The following MYH15 variants were observed in gnomAD, a reference collection of about 807,000 sequenced individuals.
The protein encoded by MYH15 is myosin heavy chain 15, also known as myosin-15.
MYH15 carries 227 observed loss-of-function variants against 240.5 expected under a neutral mutation model. The observed-to-expected ratio is 0.94, with a 90% CI of 0.85 to 1.05. The LOEUF (loss-of-function observed/expected upper bound fraction) is 1.05. Among genes scored for constraint, MYH15 ranks in the 50% least tolerant of loss-of-function variants. The pLI is 0.00. For missense variants in MYH15, 2,217 were observed against 2,247.5 expected, an observed-to-expected ratio of 0.99 and a Z score of 0.27; for synonymous variants, 785 against 796.7, an observed-to-expected ratio of 0.99 and a Z score of 0.25.
At chr3:108,420,596 T>C (rs1442619613) in intron 28 of MYH15, among the ~76,000 whole-genome samples, 1 of 151,948 alleles carries the variant, frequency 6.6e-6, no homozygotes, top group Non-Finnish European at 1.5e-5. Flanking sequence ...CCAACGCAGA[T>C]TGAGAGTTCA....
At chr3:108,521,677 T>C (rs1176094531) in intron 1 of MYH15, among the ~76,000 whole-genome samples, 1 of 152,182 alleles carries the variant, frequency 6.6e-6, no homozygotes. Context: ...GAGATGATCT[T>C]TGTTGCTTCA....
chr3:108,474,119 T>C (rs1028017081), intron 12 of MYH15, among the ~76,000 whole-genome samples: 4 of 152,184 alleles, frequency 2.6e-5, no homozygotes, highest in African/African-American at 9.7e-5. Context: ...AATGTTAACG[T>C]TGCAAAAATT....
At chr3:108,438,878 G>T (rs1227659051) in intron 24 of MYH15, among the ~76,000 whole-genome samples, 1 of 152,124 alleles carries the variant, frequency 6.6e-6, no homozygotes, top group East Asian at 1.9e-4. Context: ...GGGTGTGTGG[G>T]TGTGGGTAGG....
rs1432234171 is a variant in MYH15 at position 108,444,864 on chromosome 3, T to C, written c.2431A>G (p.Arg811Gly). ...CAGTTCTTCACAGCCATGAAAGCTC[T>C]TATGTTCCATTGGATCAAAATAAGT... ...DALILIQWNIRAFMAVKNWPW... is the reference protein window; with the variant it reads ...DALILIQWNIGAFMAVKNWPW... Residue 811 changes from arginine (R) to glycine (G), a missense_variant, in exon 22 of 41, where the codon AGA becomes GGA. Arg to Gly is a moderately radical substitution (Grantham distance 125, BLOSUM62 -2). Coordinates refer to ENST00000693548, the MANE Select transcript of MYH15 (RefSeq NM_014981.3). The C allele has an allele frequency of 6.2e-7, 1 of 1,613,558 alleles. No homozygotes were observed. Among genetic ancestry groups the C allele is most frequent in the South Asian group, 1.1e-5 (1 of 90,950 alleles).
chr3:108,498,011 G>C lies in MYH15; in HGVS notation c.618+41C>G, dbSNP rs149874167. 3,006 of 1,561,320 alleles carry C rather than the reference G, an allele frequency of 1.9e-3. 22 individuals are homozygous for C. The highest frequency in any genetic ancestry group is 0.019 in the African/African-American group (1,400 of 73,930). On this transcript the variant is annotated intron_variant, in intron 6 of 40. Transcript: ENST00000693548. ...CACAACCTCCATGATCCAGTGGATA[G>C]GGCCACCTCATCTTTTCTACCAAGC...
intron 32 of MYH15, among the ~76,000 whole-genome samples, chr3:108,407,655 C>A (rs544905647): frequency 2.0e-5 from 3 of 152,282 alleles, no homozygotes; most frequent in African/African-American, 7.2e-5. Context: ...AAATGTTTGA[C>A]AACATCACTT....
rs748138721 is a variant in MYH15, at chr3:108,437,565, T to C, written c.3210A>G (p.Glu1070=). Residue 1070 remains glutamate (E), a synonymous_variant, in exon 25 of 41, where the codon GAA becomes GAG. Coordinates refer to ENST00000693548, the MANE Select transcript of MYH15 (RefSeq NM_014981.3). Reference sequence around the variant, plus strand: ...GAAAGGTGGCTTACTTCCTCAGCTCTTCTGCCAGGTGTCGCTGGCTGCTTT... The same window carrying C: ...GAAAGGTGGCTTACTTCCTCAGCTCCTCTGCCAGGTGTCGCTGGCTGCTTT... The part of the protein sequence containing the change: ...NLESSQRHLA[E]ELRKKELELS... 8.7e-6 allele frequency: 14 copies of C among 1,613,302 alleles called. No homozygotes were observed. The highest frequency in any genetic ancestry group is 4.5e-5 in the East Asian group (2 of 44,886).
chr3:108,470,229 A>G lies in MYH15; in HGVS notation c.1384-17T>C, dbSNP rs901221618. The G allele has an allele frequency of 5.2e-6, 8 of 1,534,682 alleles. No homozygotes were observed. The highest frequency in any genetic ancestry group is 7.0e-6 in the Non-Finnish European group (8 of 1,140,664). ...GCTATTATACTTCAAGGATATGAAT[A>G]GGTAAGAAGAAGAGATAAAAATAAA... On this transcript the variant is annotated splice_polypyrimidine_tract_variant and intron_variant, in intron 13 of 40. Coordinates refer to ENST00000693548, the MANE Select transcript of MYH15 (RefSeq NM_014981.3).
At chr3:108,385,438 T>C (rs1329264293) in intron 38 of MYH15, among the ~76,000 whole-genome samples, 6 of 152,178 alleles carry the variant, frequency 3.9e-5, no homozygotes, top group Admixed American at 3.9e-4. Context: ...TTGCCTCAAT[T>C]ACAATCCAGC....
chr3:108,414,172 T>C, intron 30 of MYH15, 60 bp downstream of exon 30: 1 of 1,538,002 alleles, frequency 6.5e-7, no homozygotes, highest in Non-Finnish European at 8.9e-7. Context: ...GACAGAGTCA[T>C]TATTCTCATA....
intron 28 of MYH15, among the ~76,000 whole-genome samples, chr3:108,420,715 C>T (rs1322629844): frequency 6.6e-6 from 1 of 152,132 alleles, no homozygotes; most frequent in Non-Finnish European, 1.5e-5. Flanking sequence ...GATGTAGATT[C>T]ATTATCCAAA....
rs558881421 is a variant in MYH15 at position 108,495,856 on chromosome 3, T to G, written c.635A>C (p.Gln212Pro). Residue 212 changes from glutamine to proline, a missense_variant, in exon 7 of 41, where the codon CAA becomes CCA. Physicochemically the swap from Gln to Pro is moderately conservative, Grantham distance 76. Coordinates refer to ENST00000693548, the MANE Select transcript of MYH15 (RefSeq NM_014981.3). ...CAAGATAGTATTCGCTTGCATGATT[T>G]GATCTTCTAACGCCCCCTGAGACAC... is the stretch of plus-strand genomic sequence containing the variant. ...SRKKQGALED[Q>P]IMQANTILEA... 2 of 1,610,604 alleles carry G rather than the reference T, an allele frequency of 1.2e-6. No homozygotes were observed. The highest frequency in any genetic ancestry group is 2.2e-5 in the South Asian group (2 of 90,206).
At chr3:108,531,487 G>A (rs2083710003), upstream of MYH15, among the ~76,000 whole-genome samples, 1 of 152,062 alleles carries the variant, frequency 6.6e-6, no homozygotes, top group Admixed American at 6.6e-5. Context: ...CAAGGTCAAT[G>A]GCCTCTGATA....
intron 5 of MYH15, among the ~76,000 whole-genome samples, chr3:108,498,384 A>G (rs2083410311): frequency 6.6e-6 from 1 of 152,204 alleles, no homozygotes; most frequent in African/African-American, 2.4e-5. Flanking sequence ...AACTTTTTGT[A>G]AATATTAGGA....
In MYH15 at chr3:108,470,198, C is replaced by T. The variant is rs768100954; in HGVS notation, c.1398G>A (p.Glu466=). 1.9e-6 allele frequency: 3 copies of T among 1,605,316 alleles called. No homozygotes were observed. In the Admixed American group the frequency reaches 5.1e-5, roughly 27 times the overall value. ...CATTGGTAAAATTAATGCAAAGTTGCTCAAGGCTATTATACTTCAAGGATA... is the reference window on the plus strand; with the variant it reads ...CATTGGTAAAATTAATGCAAAGTTGTTCAAGGCTATTATACTTCAAGGATA... The part of the protein sequence containing the change: ...GFEILEYNSL[E]QLCINFTNEK... Residue 466 remains glutamate (E), a synonymous_variant, in exon 14 of 41, where the codon GAG becomes GAA. Coordinates refer to ENST00000693548, the MANE Select transcript of MYH15 (RefSeq NM_014981.3).
At chr3:108,487,599 A>G (rs543771094) in intron 9 of MYH15, among the ~76,000 whole-genome samples, 4 of 152,330 alleles carry the variant, frequency 2.6e-5, no homozygotes, top group South Asian at 2.1e-4. Flanking sequence ...CAGAAAGCAT[A>G]TTAGTGGTTA....
At chr3:108,401,640 C>T (rs1039732048) in intron 33 of MYH15, among the ~76,000 whole-genome samples, 11 of 152,232 alleles carry the variant, frequency 7.2e-5, no homozygotes, top group African/African-American at 2.7e-4. Context: ...AACACTGAAG[C>T]ATCCCCAGCC....
chr3:108,544,513 T>C, the MYH15 span, among the ~76,000 whole-genome samples: 1 of 152,088 alleles, frequency 6.6e-6, no homozygotes, highest in Non-Finnish European at 1.5e-5. Flanking sequence ...ATAATCCAAG[T>C]CTCTTATTCA....
chr3:108,425,197 T>C (rs1007197467), intron 27 of MYH15, among the ~76,000 whole-genome samples: 3 of 152,158 alleles, frequency 2.0e-5, no homozygotes, highest in Non-Finnish European at 4.4e-5. Context: ...AAAATGAATA[T>C]TTGTTTAAAG....
Sources: allele counts gnomAD v4.1 joint callset (sites outside exome capture counted in the v4.1 genomes callset), GRCh38; gene constraint gnomAD v4.1.1; transcripts MANE v1.5; gene names NCBI Gene and HGNC (gene_info 2026-07-23, HGNC 2026-07-21).